DOK6: variants seen among roughly 807,000 people sequenced by gnomAD.
The protein encoded by DOK6 is docking protein 6, also known as downstream of tyrosine kinase 6.
In DOK6, 22 loss-of-function variants were observed where a neutral mutation model predicts 44.0. That is an observed-to-expected ratio of 0.50 (90% confidence interval 0.36 to 0.71). The LOEUF (loss-of-function observed/expected upper bound fraction) is 0.71. DOK6 is among the 30% of genes least tolerant of loss of function. DOK6 has a pLI of 0.00. For synonymous variants in DOK6, 166 were observed against 145.5 expected (o/e 1.14, Z -1.01); for missense variants, 340 against 416.4 (o/e 0.82, Z 1.60).
intron 7 of DOK6, among the ~76,000 whole-genome samples, chr18:69,836,742 T>C (rs1025108456): frequency 6.6e-6 from 1 of 152,210 alleles, no homozygotes; most frequent in Admixed American, 6.5e-5. Flanking sequence ...AGAGTCCTTG[T>C]ATAGTGTGAT....
chr18:69,811,074 T>C (rs1981208337), intron 7 of DOK6, among the ~76,000 whole-genome samples: 1 of 151,964 alleles, frequency 6.6e-6, no homozygotes, highest in South Asian at 2.1e-4. Context: ...AGATGACGAA[T>C]GGATAAAGAA....
chr18:69,842,340 C>G lies in DOK6; in HGVS notation c.*957C>G, dbSNP rs1982249532. 1 of 152,168 alleles carries G rather than the reference C, an allele frequency of 6.6e-6. No individual in the cohort carries two copies. Among genetic ancestry groups the G allele is most frequent in the African/African-American group, 2.4e-5 (1 of 41,410 alleles). The allele number at this position is 152,168 out of a possible 1,614,324, so 9.4% of individuals were successfully genotyped here. A position where few individuals can be genotyped will look rare whatever the true frequency, so the allele number is the denominator to read the frequency against. ...TGACAATGTTGCTCCCTGTGGCCAT[C>G]CATCTGAGCTACGTGAGGAGGATTC... On this transcript the variant is annotated 3_prime_UTR_variant, in exon 8 of 8. Coordinates refer to ENST00000382713, the MANE Select transcript of DOK6 (RefSeq NM_152721.6).
intron 3 of DOK6, among the ~76,000 whole-genome samples, chr18:69,629,945 T>C (rs1022703131): frequency 6.6e-6 from 1 of 151,846 alleles, no homozygotes; most frequent in Non-Finnish European, 1.5e-5. Context: ...TGCTAATTTG[T>C]AGTAGAGATG....
At chr18:69,556,113 T>C (rs564733299) in intron 1 of DOK6, among the ~76,000 whole-genome samples, 4 of 152,194 alleles carry the variant, frequency 2.6e-5, no homozygotes, top group African/African-American at 9.6e-5. Context: ...AGATTTAAGT[T>C]CTATTGTGTT....
At chr18:69,498,761 A>G (rs1032254163) in intron 1 of DOK6, among the ~76,000 whole-genome samples, 1 of 152,194 alleles carries the variant, frequency 6.6e-6, no homozygotes, top group African/African-American at 2.4e-5. Context: ...CCAGGCATGG[A>G]ACAGGGCAAG....
intron 1 of DOK6, among the ~76,000 whole-genome samples, chr18:69,408,014 C>T (rs137984707): frequency 3.9e-4 from 59 of 152,228 alleles, no homozygotes; most frequent in Middle Eastern, 3.4e-3. Flanking sequence ...AACATATATT[C>T]AATTTTTAAC....
chr18:69,817,859 C>T (rs1222791538), intron 7 of DOK6, among the ~76,000 whole-genome samples: 1 of 152,154 alleles, frequency 6.6e-6, no homozygotes, highest in Non-Finnish European at 1.5e-5. Context: ...CCACCAGCTG[C>T]AACATCTCAG....
Position 69,401,129 on chromosome 18 carries a change from G to C in DOK6, c.-116G>C. ...GGAGCTCGGGGAAGAGCGGGCGGCG[G>C]CGCTGCTGCTGGCGGCGGCCGGCTG... On this transcript the variant is annotated 5_prime_UTR_variant, in exon 1 of 8. Transcript: ENST00000382713. 2.8e-6 allele frequency: 3 copies of C among 1,073,660 alleles called. No individual in the cohort carries two copies. The highest frequency in any genetic ancestry group is 3.7e-6 in the Non-Finnish European group (3 of 816,044). The allele number at this position is 1,073,660 out of a possible 1,614,324, so 66.5% of individuals were successfully genotyped here.
At chr18:69,479,113 G>A (rs1209042361) in intron 1 of DOK6, among the ~76,000 whole-genome samples, 1 of 152,100 alleles carries the variant, frequency 6.6e-6, no homozygotes, top group Non-Finnish European at 1.5e-5. Flanking sequence ...AGAGATAAAT[G>A]CATGTTGCCT....
At chr18:69,432,388 G>A (rs2053011447) in intron 1 of DOK6, among the ~76,000 whole-genome samples, 2 of 152,192 alleles carry the variant, frequency 1.3e-5, no homozygotes, top group South Asian at 2.1e-4. Context: ...AGGCTGCAGT[G>A]AGCCGAGATC....
intron 1 of DOK6, among the ~76,000 whole-genome samples, chr18:69,548,194 C>T (rs1982461489): frequency 6.6e-6 from 1 of 150,980 alleles, no homozygotes; most frequent in African/African-American, 2.4e-5. Flanking sequence ...ACCTCATGAT[C>T]CACCCGCCTT....
chr18:69,510,503 T>G (rs567036595), intron 1 of DOK6, among the ~76,000 whole-genome samples: 34 of 149,574 alleles, frequency 2.3e-4, no homozygotes, highest in Non-Finnish European at 4.2e-4. Context: ...TTTTGTTGTT[T>G]AGCTTATTAC....
chr18:69,748,956 C>G (rs1442801189), intron 6 of DOK6, among the ~76,000 whole-genome samples: 2 of 152,132 alleles, frequency 1.3e-5, no homozygotes, highest in African/African-American at 2.4e-5. Context: ...ATATACATAC[C>G]ATGAAATACT....
intron 5 of DOK6, among the ~76,000 whole-genome samples, chr18:69,725,129 A>G (rs58869101): frequency 0.036 from 5,500 of 152,268 alleles, 162 homozygotes; most frequent in East Asian, 0.087. Flanking sequence ...AAATAACTTC[A>G]TTTGGGTCCA....
At chr18:69,556,446 A>G (rs12456494) in intron 1 of DOK6, among the ~76,000 whole-genome samples, 55,811 of 151,970 alleles carry the variant, frequency 0.37, 11,673 homozygotes, top group South Asian at 0.46. Context: ...ATCCTTGTGC[A>G]TAATTCTCTC....
Position 69,611,609 on chromosome 18 carries a change from T to C in DOK6, c.289+12111T>C, listed in dbSNP as rs77522999. Among the ~76,000 whole-genome samples the C allele has an allele frequency of 6.1e-3, 921 of 152,144 alleles. 9 individuals carry two copies. Among genetic ancestry groups the C allele is most frequent in the African/African-American group, 0.021 (882 of 41,494 alleles). On this transcript the variant is annotated intron_variant, in intron 3 of 7. Transcript: ENST00000382713. ...ATGTCCTTCAACAAACTGTGGTATC[T>C]TCACACCATGAAATAAATACTCTTC...
intron 1 of DOK6, among the ~76,000 whole-genome samples, chr18:69,543,349 G>A (rs1388572740): frequency 6.6e-6 from 1 of 151,538 alleles, no homozygotes; most frequent in Non-Finnish European, 1.5e-5. Flanking sequence ...CAGGTGAACA[G>A]AGAACAAGTG....
intron 6 of DOK6, among the ~76,000 whole-genome samples, chr18:69,752,628 TAGGA>T (rs1268559679): frequency 6.6e-6 from 1 of 152,096 alleles, no homozygotes; most frequent in Non-Finnish European, 1.5e-5. Context: ...ATTCAAGAGA[TAGGA>T]AGAGTAGAGA....
At chr18:69,789,925 C>G (rs1980542518) in intron 7 of DOK6, among the ~76,000 whole-genome samples, 1 of 152,120 alleles carries the variant, frequency 6.6e-6, no homozygotes, top group Non-Finnish European at 1.5e-5. Context: ...TGGTGATATT[C>G]CACTATTTCT....
Sources: gnomAD v4.1 joint callset for allele counts (sites outside exome capture counted in the v4.1 genomes callset) on GRCh38, gnomAD v4.1.1 for gene constraint, MANE v1.5 for transcripts, NCBI Gene and HGNC (gene_info 2026-07-23, HGNC 2026-07-21) for gene names.